SLC35F4: variants seen among roughly 807,000 people sequenced by gnomAD.
The protein encoded by SLC35F4 is chromosome 14 open reading frame 36.
In SLC35F4, 24 loss-of-function variants were observed where a neutral mutation model predicts 44.2. The ratio of observed to expected loss-of-function variants is 0.54; its 90% CI spans 0.39 to 0.76. SLC35F4 has a LOEUF of 0.76. Among genes scored for constraint, SLC35F4 ranks in the 30% least tolerant of loss-of-function variants. The probability of loss-of-function intolerance (pLI) is 0.00; values close to 1 mark genes in which losing one functional copy is unlikely to be tolerated. For synonymous variants in SLC35F4, 238 were observed against 223.6 expected, an observed-to-expected ratio of 1.06 and a Z score of -0.57; for missense variants, 562 against 586.1, an observed-to-expected ratio of 0.96 and a Z score of 0.42.
chr14:57,600,901 T>A (rs1172363847), intron 1 of SLC35F4, among the ~76,000 whole-genome samples: 1 of 151,946 alleles, frequency 6.6e-6, no homozygotes, highest in Non-Finnish European at 1.5e-5. Flanking sequence ...GTTTAAGGGT[T>A]ACCCTTTTCT....
chr14:57,896,766 T>C (rs1888879961), intron 1 of SLC35F4, among the ~76,000 whole-genome samples: 1 of 152,146 alleles, frequency 6.6e-6, no homozygotes, highest in African/African-American at 2.4e-5. Flanking sequence ...GTGCCAGGAA[T>C]ATAGTAAAAC....
At chr14:57,747,943 A>C (rs1358284833) in intron 1 of SLC35F4, among the ~76,000 whole-genome samples, 2 of 152,234 alleles carry the variant, frequency 1.3e-5, no homozygotes, top group African/African-American at 4.8e-5. Flanking sequence ...AGTCTATTTC[A>C]GTAAAGAAAG....
chr14:57,730,019 G>C lies in SLC35F4; in HGVS notation c.103+135704C>G, dbSNP rs531336860. Among the ~76,000 whole-genome samples the C allele has an allele frequency of 5.9e-5, 9 of 152,290 alleles. No individual in the cohort carries two copies. In the South Asian group the frequency reaches 1.9e-3, roughly 32 times the overall value. ...ACTGTGTTCAATGTAAAGTTCCCCA[G>C]TTCCTGTGCCCTCCCTCCCCATAGG... On this transcript the variant is annotated intron_variant, in intron 1 of 7. Coordinates refer to ENST00000556826, the MANE Select transcript of SLC35F4 (RefSeq NM_001306087.2).
chr14:57,799,676 TG>T (rs1193477160), intron 1 of SLC35F4, among the ~76,000 whole-genome samples: 1 of 152,216 alleles, frequency 6.6e-6, no homozygotes, highest in African/African-American at 2.4e-5. Flanking sequence ...CCACCAGCTT[TG>T]GAGAATACAA....
intron 1 of SLC35F4, among the ~76,000 whole-genome samples, chr14:57,848,765 T>C (rs1886259343): frequency 6.6e-6 from 1 of 152,184 alleles, no homozygotes; most frequent in Non-Finnish European, 1.5e-5. Context: ...GGGGCAAACA[T>C]TGGGTAGGTT....
chr14:57,865,759 A>G lies in SLC35F4; in HGVS notation c.67T>C (p.Tyr23His), dbSNP rs1888112875. The G allele has an allele frequency of 2.0e-6, 3 of 1,523,846 alleles. No homozygotes were observed. The highest frequency in any genetic ancestry group is 2.8e-5 in the African/African-American group (2 of 71,584). 94.4% of individuals were successfully genotyped at this position (1,523,846 alleles called of 1,614,324 possible). ...IEDRILRITGYYGYYPGYSSQ... is the reference protein window; with the variant it reads ...IEDRILRITGHYGYYPGYSSQ... The stretch of plus-strand genomic sequence containing the variant: ...GAGTAACCTGGATAATAGCCATAGT[A>G]GCCGGTGATCCGCAGGATCCGGTCC... The change falls in exon 1 of 8, where the codon TAC becomes CAC. Residue 23 changes from tyrosine to histidine, a missense_variant. Transcript: ENST00000556826.
chr14:57,783,686 C>A (rs1387046396), intron 1 of SLC35F4, among the ~76,000 whole-genome samples: 1 of 152,184 alleles, frequency 6.6e-6, no homozygotes, highest in African/African-American at 2.4e-5. Flanking sequence ...ACCTTGCCAG[C>A]ATGGGATGAC....
intron 1 of SLC35F4, among the ~76,000 whole-genome samples, chr14:57,978,429 T>C (rs1235782543): frequency 6.6e-6 from 1 of 152,218 alleles, no homozygotes; most frequent in African/African-American, 2.4e-5. Flanking sequence ...CCTATCTGCA[T>C]GGTATCCTGC....
intron 1 of SLC35F4, among the ~76,000 whole-genome samples, chr14:57,641,385 C>A (rs776632583): frequency 4.8e-4 from 73 of 151,492 alleles, no homozygotes; most frequent in Non-Finnish European, 3.5e-4. Flanking sequence ...TTCTGGGCCT[C>A]AGTTTCCTCA....
chr14:57,677,271 T>C (rs74201526), intron 1 of SLC35F4, among the ~76,000 whole-genome samples: 2 of 151,678 alleles, frequency 1.3e-5, no homozygotes, highest in Non-Finnish European at 2.9e-5. Flanking sequence ...ATGTTGGGAA[T>C]GGGGAAAGAG....
At chr14:57,568,822 G>A (rs1442744556) in intron 6 of SLC35F4, among the ~76,000 whole-genome samples, 4 of 152,124 alleles carry the variant, frequency 2.6e-5, no homozygotes, top group South Asian at 2.1e-4. Context: ...GTGGGCAGAG[G>A]GAGTTGACCT....
At chr14:57,617,462 T>A (rs2071909899) in intron 1 of SLC35F4, among the ~76,000 whole-genome samples, 6 of 151,982 alleles carry the variant, frequency 3.9e-5, no homozygotes, top group African/African-American at 1.4e-4. Context: ...GAAAAAAAAA[T>A]GACAGAGCTT....
At chr14:57,937,996 T>A (rs996869736) in intron 1 of SLC35F4, among the ~76,000 whole-genome samples, 1 of 152,138 alleles carries the variant, frequency 6.6e-6, no homozygotes, top group African/African-American at 2.4e-5. Context: ...CTGTCTCCAC[T>A]CCCCAAGTAA....
At chr14:57,766,517 G>A (rs536028090) in intron 1 of SLC35F4, among the ~76,000 whole-genome samples, 40 of 152,330 alleles carry the variant, frequency 2.6e-4, no homozygotes, top group African/African-American at 9.6e-4. Context: ...GAGCCTAAGA[G>A]CACAGAAAGC....
At chr14:57,937,636 AAAAGAAAAGAAAAGAAAAAAGAAAAG>A (rs1321337780) in intron 1 of SLC35F4, among the ~76,000 whole-genome samples, 1 of 128,168 alleles carries the variant, frequency 7.8e-6, no homozygotes, top group Non-Finnish European at 1.6e-5. Flanking sequence ...AAAAGAAAAG[AAAAGAAAAGAAAAGAAAAAAGAAAAG>A]AAAAAGATAT....
chr14:57,699,293 C>T (rs974478909), intron 1 of SLC35F4, among the ~76,000 whole-genome samples: 4 of 152,070 alleles, frequency 2.6e-5, no homozygotes, highest in African/African-American at 9.7e-5. Context: ...CGTTATAGTA[C>T]TGAAATCTTT....
chr14:57,571,965 T>A lies in SLC35F4; in HGVS notation c.862A>T (p.Asn288Tyr). ...TGIVMMAYAD[N>Y]FHADSIIGVA... is the part of the protein sequence containing the mutation. Reference sequence around the variant, plus strand: ...CCTATGATGGAATCAGCGTGGAAATTATCTGCATATGCCATCATGACAATG... The same window carrying A: ...CCTATGATGGAATCAGCGTGGAAATAATCTGCATATGCCATCATGACAATG... The change falls in exon 5 of 8, where the codon AAT (asparagine) becomes TAT (tyrosine). Residue 288 changes from asparagine to tyrosine, a missense_variant. Coordinates refer to ENST00000556826, the MANE Select transcript of SLC35F4 (RefSeq NM_001306087.2). 1 of 1,612,328 alleles carries A rather than the reference T, an allele frequency of 6.2e-7. No homozygotes were observed. The highest frequency in any genetic ancestry group is 8.5e-7 in the Non-Finnish European group (1 of 1,179,140).
chr14:57,662,729 AG>A (rs1190254781), intron 1 of SLC35F4, among the ~76,000 whole-genome samples: 1 of 152,220 alleles, frequency 6.6e-6, no homozygotes, highest in Non-Finnish European at 1.5e-5. Flanking sequence ...ACTAAAACAT[AG>A]CCTCTACTAA....
chr14:57,800,037 C>T (rs529096809), intron 1 of SLC35F4, among the ~76,000 whole-genome samples: 1 of 152,362 alleles, frequency 6.6e-6, no homozygotes, highest in East Asian at 1.9e-4. Context: ...AGCCGGACCC[C>T]AATCCCATTC....
Sources: gnomAD v4.1 joint callset for allele counts (sites outside exome capture counted in the v4.1 genomes callset) on GRCh38, gnomAD v4.1.1 for gene constraint, MANE v1.5 for transcripts, NCBI Gene and HGNC (gene_info 2026-07-23, HGNC 2026-07-21) for gene names.